Variants in LAMC3 observed in about 807,000 individuals in gnomAD.
The protein encoded by LAMC3 is laminin subunit gamma-3.
In LAMC3, 128 loss-of-function variants were observed where a neutral mutation model predicts 173.8. The ratio of observed to expected loss-of-function variants is 0.74; its 90% CI spans 0.64 to 0.85. The LOEUF is 0.85. Ranked by LOEUF, LAMC3 falls within the 40% of genes least tolerant of loss-of-function variation. The pLI, the probability that LAMC3 is intolerant of heterozygous loss-of-function variation, is 0.00. For missense variants in LAMC3, 2,022 were observed against 2,156.0 expected, an observed-to-expected ratio of 0.94 and a Z score of 1.23; for synonymous variants, 897 against 909.1, an observed-to-expected ratio of 0.99 and a Z score of 0.24.
chr9:131,049,643 G>A (rs561445273), intron 9 of LAMC3, among the ~76,000 whole-genome samples: 7 of 152,190 alleles, frequency 4.6e-5, no homozygotes, highest in Admixed American at 2.0e-4. Context: ...TCAGACCACC[G>A]TATCTGATGA....
At position 131,069,184 on chromosome 9, in the gene LAMC3, G is replaced by A. The variant is rs565453626; in HGVS notation, c.2890+134G>A. On this transcript the variant is annotated intron_variant, in intron 16 of 27. Coordinates refer to ENST00000361069, the MANE Select transcript of LAMC3 (RefSeq NM_006059.4). ...ATGGGACAGGGTCCCGAGAGCAGCC[G>A]GAAGCATGGAGCGAGTTGCTCCCGT... 2.1e-4 allele frequency: 224 copies of A among 1,049,172 alleles called. 3 individuals are homozygous for A. In the South Asian group the frequency reaches 3.0e-3, roughly 14 times the overall value. The allele number at this position is 1,049,172 out of a possible 1,614,324, so 65.0% of individuals were successfully genotyped here.
At chr9:131,072,522 CT>C in intron 18 of LAMC3, 107 bp from the exon 19 acceptor site, 2 of 891,320 alleles carry the variant, frequency 2.2e-6, no homozygotes, top group Non-Finnish European at 3.6e-6. Flanking sequence ...GTGCTCAGGG[CT>C]GCTGATGCCT....
rs2133193519 is a variant in LAMC3, at chr9:131,009,435, GC to G, written c.223del (p.Gln75SerfsTer50). 6.5e-7 allele frequency: 1 copy of G among 1,544,516 alleles called. No homozygotes were observed. Among genetic ancestry groups the G allele is most frequent in the South Asian group, 1.2e-5 (1 of 83,822 alleles). On this transcript the variant is annotated frameshift_variant, in exon 1 of 28. Coordinates refer to ENST00000361069, the MANE Select transcript of LAMC3 (RefSeq NM_006059.4). LOFTEE classifies it high-confidence loss of function. The surrounding 1 kb of genome is among the most constrained non-coding windows in gnomAD (Gnocchi z 4.3). ...HVGAAGAGAH[C>X]QRCDAADPQR... Reference sequence around the variant, plus strand: ...GGCGCCGCGGGCGCGGGGGCTCATTGCCAGCGCTGCGACGCCGCCGACCCCC... The same window carrying G: ...GGCGCCGCGGGCGCGGGGGCTCATTGCAGCGCTGCGACGCCGCCGACCCCC...
intron 13 of LAMC3, among the ~76,000 whole-genome samples, 197 bp downstream of exon 13, chr9:131,061,420 C>T (rs906751887): frequency 1.3e-5 from 2 of 152,212 alleles, no homozygotes; most frequent in Non-Finnish European, 2.9e-5. Context: ...GGCTGCCGCA[C>T]ATTGCCAGCA....
chr9:131,087,839 G>A (rs577345164), intron 27 of LAMC3, 22 bp downstream of exon 27: 1 of 1,601,498 alleles, frequency 6.2e-7, no homozygotes, highest in Non-Finnish European at 8.6e-7. Context: ...CTAAGGCTGG[G>A]CCCTGAACCC....
At chr9:131,022,240 A>G (rs1011444493) in intron 1 of LAMC3, among the ~76,000 whole-genome samples, 2 of 151,926 alleles carry the variant, frequency 1.3e-5, no homozygotes, top group Non-Finnish European at 2.9e-5. Flanking sequence ...ACACACACAC[A>G]CACATATATA....
In LAMC3 at chr9:131,057,092, T is replaced by C; in HGVS notation, c.2103T>C (p.Tyr701=). The change falls in exon 12 of 28, where the codon TAT becomes TAC. Residue 701 remains tyrosine, a synonymous_variant. Coordinates refer to ENST00000361069, the MANE Select transcript of LAMC3 (RefSeq NM_006059.4). The part of the protein sequence containing the change: ...YKREMPQGGP[Y]ASCVPCTCNQ... ...GGGAGATGCCACAGGGGGGTCCCTA[T>C]GCCAGCTGTGTCCCCTGCACCTGTA... The C allele has an allele frequency of 1.9e-6, 3 of 1,614,210 alleles. No individual in the cohort carries two copies. The highest frequency in any genetic ancestry group is 2.5e-6 in the Non-Finnish European group (3 of 1,180,038).
rs1374321312 is a variant in LAMC3 at position 131,061,027 on chromosome 9, C to T, written c.2159-8C>T. On this transcript the variant is annotated splice_region_variant and splice_polypyrimidine_tract_variant and intron_variant, in intron 12 of 27. Coordinates refer to ENST00000361069, the MANE Select transcript of LAMC3 (RefSeq NM_006059.4). ...GGTTCAGACAGTGGTGCTTGTCTTG[C>T]CCCTCAGGGATCTGTGTCTGCAGCC... is the stretch of plus-strand genomic sequence containing the variant. The T allele has an allele frequency of 1.2e-6, 2 of 1,613,760 alleles. No individual in the cohort carries two copies. Among genetic ancestry groups the T allele is most frequent in the Non-Finnish European group, 1.7e-6 (2 of 1,179,852 alleles).
At chr9:131,044,419 A>G (rs1452527850) in intron 7 of LAMC3, among the ~76,000 whole-genome samples, 4 of 152,032 alleles carry the variant, frequency 2.6e-5, no homozygotes, top group Non-Finnish European at 5.9e-5. Flanking sequence ...CTGAGGCAGG[A>G]CAATTGTTTG....
chr9:131,064,186 G>C (rs1005032121), intron 13 of LAMC3, among the ~76,000 whole-genome samples: 3 of 152,058 alleles, frequency 2.0e-5, no homozygotes, highest in Non-Finnish European at 2.9e-5. Context: ...GTGATTATAG[G>C]CATGAACCAC....
intron 13 of LAMC3, among the ~76,000 whole-genome samples, chr9:131,061,623 C>G (rs1829826345): frequency 6.6e-6 from 1 of 152,208 alleles, no homozygotes; most frequent in South Asian, 2.1e-4. Flanking sequence ...AGCAGAACCA[C>G]CTACGCCCAC....
At chr9:131,075,616 A>ACTCTATGTC (rs1830109234) in intron 20 of LAMC3, among the ~76,000 whole-genome samples, 1 of 151,718 alleles carries the variant, frequency 6.6e-6, no homozygotes, top group Non-Finnish European at 1.5e-5. Context: ...ACAGACACAA[A>ACTCTATGTC]CTCTATGTCT....
At chr9:131,073,586 T>C (rs1830074413) in intron 20 of LAMC3, among the ~76,000 whole-genome samples, 1 of 152,132 alleles carries the variant, frequency 6.6e-6, no homozygotes, top group Non-Finnish European at 1.5e-5. Context: ...ATACAAGTTA[T>C]TATATTGGGG....
chr9:131,023,148 T>G (rs2133221108), intron 1 of LAMC3, among the ~76,000 whole-genome samples: 1 of 152,374 alleles, frequency 6.6e-6, no homozygotes, highest in East Asian at 1.9e-4. Flanking sequence ...ATATGATATA[T>G]GCCACGTTTT....
chr9:131,091,595 A>G lies in LAMC3; in HGVS notation c.4536A>G (p.Leu1512=), dbSNP rs1433151283. The G allele has an allele frequency of 8.8e-6, 14 of 1,592,024 alleles. No individual in the cohort carries two copies. Among genetic ancestry groups the G allele is most frequent in the Non-Finnish European group, 1.2e-5 (14 of 1,169,522 alleles). ...AQALNETQWA[L]ERLRLQLGSP... Reference sequence around the variant, plus strand: ...CCCTGAACGAGACTCAGTGGGCACTAGAACGCCTGAGGCTGCAGCTGGGCT... The same window carrying G: ...CCCTGAACGAGACTCAGTGGGCACTGGAACGCCTGAGGCTGCAGCTGGGCT... Residue 1512 remains leucine (L), a synonymous_variant, in exon 28 of 28, where the codon CTA becomes CTG. Transcript: ENST00000361069.
chr9:131,032,576 C>CTCGCTCTCTCTCTCTTGCTCTCTCTT (rs1564368458), intron 3 of LAMC3, among the ~76,000 whole-genome samples: 23 of 143,050 alleles, frequency 1.6e-4, no homozygotes, highest in East Asian at 9.9e-4. Context: ...CTTGCTCTCT[C>CTCGCTCTCTCTCTCTTGCTCTCTCTT]TCGCTTGCTC....
chr9:131,089,361 A>G (rs1830384246), intron 27 of LAMC3, among the ~76,000 whole-genome samples: 1 of 151,784 alleles, frequency 6.6e-6, no homozygotes, highest in South Asian at 2.1e-4. Context: ...ATATAACTGG[A>G]ATCATATAGT....
chr9:131,045,652 T>G lies in LAMC3; in HGVS notation c.1511T>G (p.Phe504Cys). The change falls in exon 8 of 28, where the codon TTC (phenylalanine) becomes TGC (cysteine). Residue 504 changes from phenylalanine to cysteine, a missense_variant. Coordinates refer to ENST00000361069, the MANE Select transcript of LAMC3 (RefSeq NM_006059.4). Reference sequence around the variant, plus strand: ...CAGGTGCATCACATCCTCAGCGATTTCCACCAGGGTAAGAGATGCTCCCTG... The same window carrying G: ...CAGGTGCATCACATCCTCAGCGATTGCCACCAGGGTAAGAGATGCTCCCTG... The part of the protein sequence containing the change: ...QFQVHHILSD[F>C]HQGAEGWWAR... The G allele has an allele frequency of 1.9e-6, 3 of 1,614,158 alleles. No individual in the cohort carries two copies. The highest frequency in any genetic ancestry group is 2.5e-6 in the Non-Finnish European group (3 of 1,180,034).
intron 2 of LAMC3, among the ~76,000 whole-genome samples, chr9:131,030,831 G>A (rs1348260150): frequency 6.6e-6 from 1 of 152,240 alleles, no homozygotes; most frequent in Non-Finnish European, 1.5e-5. Flanking sequence ...AGCCGGCCCA[G>A]CAGCATCAGT....
Sources: gnomAD v4.1 joint callset for allele counts (sites outside exome capture counted in the v4.1 genomes callset) on GRCh38, gnomAD v4.1.1 for gene constraint, Gnocchi (gnomAD v3.1) non-coding constraint, MANE v1.5 for transcripts, NCBI Gene and HGNC (gene_info 2026-07-23, HGNC 2026-07-21) for gene names.